SMCO2: variants seen among roughly 807,000 people sequenced by gnomAD.
The protein encoded by SMCO2 is single-pass membrane protein with coiled-coil domains 2.
SMCO2 carries 25 observed loss-of-function variants against 29.5 expected under a neutral mutation model. That is an observed-to-expected ratio of 0.85 (90% CI 0.62 to 1.18). The LOEUF (loss-of-function observed/expected upper bound fraction) is 1.18, where lower values mean the gene tolerates loss of function less well. SMCO2 is among the 50% of genes most tolerant of loss of function. The pLI, the probability that SMCO2 is intolerant of heterozygous loss-of-function variation, is 0.00. For missense variants in SMCO2, 348 were observed against 344.5 expected (o/e 1.01, Z -0.08); for synonymous variants, 117 against 123.3 (o/e 0.95, Z 0.34).
upstream of SMCO2, among the ~76,000 whole-genome samples, chr12:27,462,600 T>A (rs114229969): frequency 6.6e-6 from 1 of 152,284 alleles, no homozygotes; most frequent in South Asian, 2.1e-4. Flanking sequence ...AGGTAGCTAT[T>A]GTTTCCCCAT....
the SMCO2 span, among the ~76,000 whole-genome samples, chr12:27,459,430 A>T: frequency 6.6e-6 from 1 of 152,100 alleles, no homozygotes; most frequent in African/African-American, 2.4e-5. Flanking sequence ...TCAAGTACAT[A>T]TGGGTACAAA....
chr12:27,471,301 C>T lies in SMCO2; in HGVS notation c.134+536C>T, dbSNP rs145295738. The stretch of plus-strand genomic sequence containing the variant: ...ATAATTTATTGAAGATAGTAGCATA[C>T]GCATTTGTAAACTTTGGGCAGTTTT... On this transcript the variant is annotated intron_variant, in intron 2 of 7. Coordinates refer to ENST00000298876, the Ensembl canonical transcript of SMCO2. Among the ~76,000 whole-genome samples, 53 of 152,252 alleles carry T rather than the reference C, an allele frequency of 3.5e-4. No individual in the cohort carries two copies. The East Asian group carries it at 5.8e-3, about 17-fold the overall frequency.
At chr12:27,464,558 G>A (rs1444193433), upstream of SMCO2, among the ~76,000 whole-genome samples, 1 of 151,434 alleles carries the variant, frequency 6.6e-6, no homozygotes, top group East Asian at 1.9e-4. Context: ...AAAGCAAAAA[G>A]ATACAAAAGT....
chr12:27,497,533 G>A (rs1275615548), intron 7 of SMCO2: 13 of 161,664 alleles, frequency 8.0e-5, no homozygotes, highest in Admixed American at 5.0e-4. Flanking sequence ...TTGAGCCCCA[G>A]GAGTTTGAGA....
At chr12:27,452,348 C>T in the SMCO2 span, among the ~76,000 whole-genome samples, 1 of 152,226 alleles carries the variant, frequency 6.6e-6, no homozygotes, top group East Asian at 1.9e-4. Context: ...TCCCCTCCCA[C>T]TCCTTCACCC....
chr12:27,432,805 A>C, the SMCO2 span, among the ~76,000 whole-genome samples: 118 of 152,342 alleles, frequency 7.7e-4, no homozygotes, highest in African/African-American at 2.4e-3. Flanking sequence ...TGTCACGTTG[A>C]AAAACAGTCA....
chr12:27,479,755 C>T (rs929250146), intron 4 of SMCO2, among the ~76,000 whole-genome samples: 1 of 152,198 alleles, frequency 6.6e-6, no homozygotes, highest in African/African-American at 2.4e-5. Context: ...CAAGCCCTCT[C>T]TTGCCTGCCA....
In SMCO2 at chr12:27,498,939, A is replaced by G. The variant is rs1247501883; in HGVS notation, c.684-2984A>G. 2.0e-5 allele frequency among the ~76,000 whole-genome samples: 3 copies of G among 150,610 alleles called. 1 individual carries two copies. Among genetic ancestry groups the G allele is most frequent in the Non-Finnish European group, 4.4e-5 (3 of 67,866 alleles). ...ACTACAGTAAAAAAGACAGACAATA[A>G]CTAGCATTGGAGAGGATGTGGAGAA... On this transcript the variant is annotated intron_variant, in intron 7 of 7. Coordinates refer to ENST00000298876, the Ensembl canonical transcript of SMCO2.
At chr12:27,484,869 A>AT (rs1194698884) in intron 4 of SMCO2, among the ~76,000 whole-genome samples, 326 of 103,410 alleles carry the variant, frequency 3.2e-3, no homozygotes, top group African/African-American at 8.1e-3. Flanking sequence ...AAAAAAAAAA[A>AT]AAATATATAT....
chr12:27,485,074 T>A (rs530581), intron 4 of SMCO2, among the ~76,000 whole-genome samples: 18,619 of 151,750 alleles, frequency 0.12, 2,210 homozygotes, highest in African/African-American at 0.29. Flanking sequence ...TTTAATTACA[T>A]GTGTCTTAGG....
chr12:27,475,722 C>CAGTGA, intron 4 of SMCO2: 1 of 1,545,462 alleles, frequency 6.5e-7, no homozygotes, highest in Non-Finnish European at 8.7e-7. Flanking sequence ...ACAGAAAACA[C>CAGTGA]AGTGAAGAGG....
At chr12:27,471,318 G>C (rs1949539257) in intron 2 of SMCO2, among the ~76,000 whole-genome samples, 1 of 151,934 alleles carries the variant, frequency 6.6e-6, no homozygotes, top group Admixed American at 6.6e-5. Flanking sequence ...GTAAACTTTG[G>C]GCAGTTTTTC....
intron 4 of SMCO2, among the ~76,000 whole-genome samples, chr12:27,480,039 C>A (rs372033330): frequency 1.2e-4 from 19 of 152,316 alleles, no homozygotes; most frequent in African/African-American, 4.3e-4. Flanking sequence ...AGCCCTCAGT[C>A]TGTGGCTGCA....
intron 3 of SMCO2, 77 bp downstream of exon 3, chr12:27,472,952 C>A: frequency 9.7e-7 from 1 of 1,035,638 alleles, no homozygotes; most frequent in Non-Finnish European, 1.4e-6. Flanking sequence ...CGCCGCATAT[C>A]TTAAAGTGGT....
intron 1 of SMCO2, among the ~76,000 whole-genome samples, chr12:27,467,944 G>A (rs1949511098): frequency 6.6e-6 from 1 of 152,156 alleles, no homozygotes; most frequent in Non-Finnish European, 1.5e-5. Context: ...GTTATTTGAA[G>A]TTAAACGTTA....
rs1474675969 is a variant in SMCO2 at position 27,474,769 on chromosome 12, A to G, written c.235-17A>G. 7 of 1,551,346 alleles carry G rather than the reference A, an allele frequency of 4.5e-6. No homozygotes were observed. Among genetic ancestry groups the G allele is most frequent in the South Asian group, 3.6e-5 (3 of 84,036 alleles). ...TAACCTTTTGTTCTGCTTTGCTTCC[A>G]TCATCATCTTTACCAGGGTATGTTG... On this transcript the variant is annotated splice_polypyrimidine_tract_variant and intron_variant, in intron 3 of 7. Coordinates refer to ENST00000298876, the Ensembl canonical transcript of SMCO2.
chr12:27,501,679 C>T (rs1943080635), intron 7 of SMCO2, among the ~76,000 whole-genome samples: 1 of 150,324 alleles, frequency 6.7e-6, no homozygotes, highest in Non-Finnish European at 1.5e-5. Flanking sequence ...AAGGAAAGAA[C>T]CCCACACTAT....
At chr12:27,434,170 G>A in the SMCO2 span, among the ~76,000 whole-genome samples, 1 of 152,210 alleles carries the variant, frequency 6.6e-6, no homozygotes, top group Admixed American at 6.5e-5. Flanking sequence ...ATCTACAGTG[G>A]TTCCTAATAT....
At chr12:27,453,008 C>G in the SMCO2 span, among the ~76,000 whole-genome samples, 2 of 152,156 alleles carry the variant, frequency 1.3e-5, no homozygotes, top group Non-Finnish European at 2.9e-5. Flanking sequence ...CCAACAATCT[C>G]AGAGCATTAG....
Sources: allele counts gnomAD v4.1 joint callset (sites outside exome capture counted in the v4.1 genomes callset), GRCh38; gene constraint gnomAD v4.1.1; transcripts MANE v1.5; gene names NCBI Gene and HGNC (gene_info 2026-07-23, HGNC 2026-07-21).